The following SLC9A9 variants were observed in gnomAD, a reference collection of about 807,000 sequenced individuals.
The protein encoded by SLC9A9 is solute carrier family 9 member A9, also known as sodium/hydrogen exchanger 9.
SLC9A9 carries 62 observed loss-of-function variants against 77.8 expected under a neutral mutation model. The ratio of observed to expected loss-of-function variants is 0.80; its 90% confidence interval spans 0.65 to 0.98. SLC9A9 has a LOEUF of 0.98. Ranked by LOEUF, SLC9A9 falls within the 50% of genes least tolerant of loss-of-function variation. The probability of loss-of-function intolerance (pLI) is 0.00; values close to 1 mark genes in which losing one functional copy is unlikely to be tolerated. For synonymous variants in SLC9A9, 320 were observed against 283.5 expected, an observed-to-expected ratio of 1.13 and a Z score of -1.29; for missense variants, 775 against 774.9, an observed-to-expected ratio of 1.00 and a Z score of 0.00.
chr3:143,448,953 A>T lies in SLC9A9; in HGVS notation c.1469+18084T>A, dbSNP rs1375650875. Among the ~76,000 whole-genome samples, 2 of 18,380 alleles carry T rather than the reference A, an allele frequency of 1.1e-4. 1 individual carries two copies. The highest frequency in any genetic ancestry group is 1.4e-4 in the Non-Finnish European group (2 of 14,606). The allele number at this position is 18,380 out of a possible 152,430, so 12.1% of individuals were successfully genotyped here. A position where few individuals can be genotyped will look rare whatever the true frequency, so the allele number is the denominator to read the frequency against. On this transcript the variant is annotated intron_variant, in intron 12 of 15. Transcript: ENST00000316549. The stretch of plus-strand genomic sequence containing the variant: ...ATATATAATATGATATATAATATAT[A>T]ATATAATTATATAAATATAATTATA...
chr3:143,752,372 C>T (rs1035175161), intron 4 of SLC9A9, among the ~76,000 whole-genome samples: 15 of 152,188 alleles, frequency 9.9e-5, no homozygotes, highest in Admixed American at 5.9e-4. Context: ...CAGATGAGAC[C>T]GTAAGTTTTA....
rs564077413 is a variant in SLC9A9, at chr3:143,803,079, C to A, written c.379-6176G>T. Among the ~76,000 whole-genome samples the A allele has an allele frequency of 2.6e-5, 4 of 152,276 alleles. No individual in the cohort carries two copies. In the South Asian group the frequency reaches 6.2e-4, roughly 24 times the overall value. ...GAATCTGACCCCTCAAACTCTACAA[C>A]CTCGATGGACTGGACCCTACTTAGT... On this transcript the variant is annotated intron_variant, in intron 2 of 15. Coordinates refer to ENST00000316549, the MANE Select transcript of SLC9A9 (RefSeq NM_173653.4).
intron 14 of SLC9A9, among the ~76,000 whole-genome samples, chr3:143,286,411 G>A (rs1938383628): frequency 3.9e-5 from 6 of 152,158 alleles, no homozygotes; most frequent in Admixed American, 3.9e-4. Flanking sequence ...GCATTTCAGA[G>A]CTCCTTCTAT....
At chr3:143,728,001 T>C in intron 4 of SLC9A9, among the ~76,000 whole-genome samples, 1 of 152,246 alleles carries the variant, frequency 6.6e-6, no homozygotes, top group East Asian at 1.9e-4. Context: ...CACAGATTTT[T>C]ATTTCTTCTT....
chr3:143,330,050 C>T (rs1015326743), intron 14 of SLC9A9, among the ~76,000 whole-genome samples: 5 of 152,142 alleles, frequency 3.3e-5, no homozygotes, highest in African/African-American at 1.2e-4. Context: ...TTTGGCCTGG[C>T]TGTGACCTCC....
intron 14 of SLC9A9, among the ~76,000 whole-genome samples, chr3:143,361,865 T>C (rs372465996): frequency 1.6e-4 from 24 of 152,344 alleles, no homozygotes; most frequent in African/African-American, 5.8e-4. Flanking sequence ...TTTTTTCACT[T>C]TATTCCTTTT....
intron 6 of SLC9A9, among the ~76,000 whole-genome samples, chr3:143,626,092 C>T (rs1421874527): frequency 3.9e-5 from 6 of 152,208 alleles, no homozygotes; most frequent in East Asian, 3.9e-4. Context: ...GTTGGAATGG[C>T]GATCATTAAA....
At chr3:143,712,275 C>T (rs562513563) in intron 4 of SLC9A9, among the ~76,000 whole-genome samples, 4 of 152,136 alleles carry the variant, frequency 2.6e-5, no homozygotes, top group African/African-American at 9.7e-5. Flanking sequence ...GAAAAAAGCA[C>T]CTGCTATTAT....
At chr3:143,447,298 G>A (rs542352215) in intron 12 of SLC9A9, among the ~76,000 whole-genome samples, 2 of 152,200 alleles carry the variant, frequency 1.3e-5, no homozygotes, top group Non-Finnish European at 2.9e-5. Context: ...AAAATTCCTA[G>A]CCAAATGTTT....
At chr3:143,341,064 C>T (rs761525906) in intron 14 of SLC9A9, among the ~76,000 whole-genome samples, 4 of 152,208 alleles carry the variant, frequency 2.6e-5, no homozygotes, top group African/African-American at 4.8e-5. Context: ...ATCCCTCTCA[C>T]TATCCTTTAG....
intron 4 of SLC9A9, among the ~76,000 whole-genome samples, chr3:143,758,318 A>G (rs989936791): frequency 1.7e-4 from 26 of 152,298 alleles, no homozygotes; most frequent in African/African-American, 6.0e-4. Context: ...ATAGTGTTAC[A>G]CTCAGCAATA....
intron 13 of SLC9A9, among the ~76,000 whole-genome samples, chr3:143,374,437 A>G (rs1420959102): frequency 1.3e-5 from 2 of 150,424 alleles, no homozygotes; most frequent in African/African-American, 4.9e-5. Context: ...AAAAAAAAAA[A>G]AAAAAAAAAG....
intron 12 of SLC9A9, among the ~76,000 whole-genome samples, chr3:143,394,714 G>A (rs1197788632): frequency 2.6e-5 from 4 of 152,332 alleles, no homozygotes; most frequent in East Asian, 1.9e-4. Context: ...CATCGTCTCA[G>A]CCCCAAATCT....
At chr3:143,544,405 T>A (rs1255728862) in intron 9 of SLC9A9, among the ~76,000 whole-genome samples, 1 of 152,052 alleles carries the variant, frequency 6.6e-6, no homozygotes, top group Non-Finnish European at 1.5e-5. Flanking sequence ...TTTTTTGTAT[T>A]TTTAGTAGAG....
intron 4 of SLC9A9, among the ~76,000 whole-genome samples, chr3:143,694,360 A>G (rs896672100): frequency 1.3e-5 from 2 of 152,164 alleles, no homozygotes; most frequent in Admixed American, 1.3e-4. Context: ...GTTATTACTA[A>G]AACTTTCTGA....
rs563613653 is a variant in SLC9A9, at chr3:143,564,204, C to G, written c.1000+9884G>C. Among the ~76,000 whole-genome samples, 21 of 152,272 alleles carry G rather than the reference C, an allele frequency of 1.4e-4. No homozygotes were observed. In the Middle Eastern group the frequency reaches 0.02, roughly 148 times the overall value. Reference sequence around the variant, plus strand: ...TAAATTTTCTTATTCAAGAGTATGTCACCTACAGCCTCTGCTTCTGATAAC... The same window carrying G: ...TAAATTTTCTTATTCAAGAGTATGTGACCTACAGCCTCTGCTTCTGATAAC... On this transcript the variant is annotated intron_variant, in intron 8 of 15. Transcript: ENST00000316549.
At chr3:143,789,731 C>A (rs199763708) in intron 4 of SLC9A9, among the ~76,000 whole-genome samples, 1 of 152,052 alleles carries the variant, frequency 6.6e-6, no homozygotes, top group Non-Finnish European at 1.5e-5. Context: ...CAGTGGCACA[C>A]AAGAGGGCAG....
intron 14 of SLC9A9, among the ~76,000 whole-genome samples, chr3:143,311,190 C>A (rs544664944): frequency 6.6e-6 from 1 of 152,186 alleles, no homozygotes; most frequent in South Asian, 2.1e-4. Context: ...TTGTCTACCA[C>A]GACCAGGACT....
rs764742853 is a variant in SLC9A9 at position 143,832,079 on chromosome 3, G to A, written c.318C>T (p.Tyr106=). ...TGTTGTGCTGACTTATTTCTCTTTT[G>A]TATTTATATTCATAAACTTGGTCAG... ...NITDQVYEYK[Y]KREISQHNIN... The change falls in exon 2 of 16, where the codon TAC becomes TAT. Residue 106 remains tyrosine, a synonymous_variant. Transcript: ENST00000316549. 6.2e-7 allele frequency: 1 copy of A among 1,612,954 alleles called. No individual in the cohort carries two copies. Among genetic ancestry groups the A allele is most frequent in the Non-Finnish European group, 8.5e-7 (1 of 1,179,444 alleles).
Sources: allele counts gnomAD v4.1 joint callset (sites outside exome capture counted in the v4.1 genomes callset), GRCh38; gene constraint gnomAD v4.1.1; transcripts MANE v1.5; gene names NCBI Gene and HGNC (gene_info 2026-07-23, HGNC 2026-07-21).